The following SFT2D1 variants were observed in gnomAD, a reference collection of about 807,000 sequenced individuals.
SFT2D1 encodes the protein SFT2 domain containing 1.
A neutral mutation model predicts 28.1 loss-of-function variants in SFT2D1; 24 were observed. The ratio of observed to expected loss-of-function variants is 0.85; its 90% CI spans 0.62 to 1.20. SFT2D1 has a LOEUF of 1.20. SFT2D1 is among the 50% of genes most tolerant of loss of function. The pLI, the probability that SFT2D1 is intolerant of heterozygous loss-of-function variation, is 0.00. For missense variants in SFT2D1, 181 were observed against 190.9 expected (o/e 0.95, Z 0.31); for synonymous variants, 82 against 73.7 (o/e 1.11, Z -0.58).
chr6:166,330,726 T>C (rs1408396378), intron 1 of SFT2D1, among the ~76,000 whole-genome samples: 4 of 152,128 alleles, frequency 2.6e-5, no homozygotes, highest in Admixed American at 6.5e-5. Flanking sequence ...TCCGAGTGCA[T>C]CCGCACTCAG....
Position 166,337,300 on chromosome 6 carries a change from T to C in SFT2D1, c.63+5119A>G, listed in dbSNP as rs549959271. ...GTTGGGAAGCTCACCTTGACCATTC[T>C]AGCTTCAGCCCTCCCCTGGCTGAAA... is the stretch of plus-strand genomic sequence containing the variant. On this transcript the variant is annotated intron_variant, in intron 1 of 7. Coordinates refer to ENST00000361731, the MANE Select transcript of SFT2D1 (RefSeq NM_145169.3). Among the ~76,000 whole-genome samples, 9 of 152,330 alleles carry C rather than the reference T, an allele frequency of 5.9e-5. No individual in the cohort carries two copies. The South Asian group carries it at 8.3e-4, about 14-fold the overall frequency.
rs1173675035 is a variant in SFT2D1 at position 166,328,130 on chromosome 6, T to C, written c.315+146A>G. On this transcript the variant is annotated intron_variant, in intron 4 of 7. Transcript: ENST00000361731. ...ATTATTATATTCAACACAAGAAGTATACATACAACCCTGAAACTTAAAGTA... is the reference window on the plus strand; with the variant it reads ...ATTATTATATTCAACACAAGAAGTACACATACAACCCTGAAACTTAAAGTA... The C allele has an allele frequency of 1.4e-5, 5 of 369,286 alleles. 1 individual carries two copies. The highest frequency in any genetic ancestry group is 1.9e-5 in the Non-Finnish European group (4 of 215,050). 22.9% of individuals were successfully genotyped at this position (369,286 alleles called of 1,614,324 possible).
chr6:166,341,664 T>C (rs1778784482), intron 1 of SFT2D1, among the ~76,000 whole-genome samples: 3 of 152,018 alleles, frequency 2.0e-5, no homozygotes, highest in Admixed American at 2.0e-4. Context: ...ATTTTAAACG[T>C]CCAACTTCTG....
chr6:166,342,379 C>T (rs1047684771), intron 1 of SFT2D1, 40 bp downstream of exon 1: 3 of 1,527,668 alleles, frequency 2.0e-6, no homozygotes, highest in Non-Finnish European at 1.8e-6. Context: ...CCGGGGCCAG[C>T]GGGCAGCCCC....
chr6:166,329,942 C>T (rs1193416453), intron 2 of SFT2D1, among the ~76,000 whole-genome samples: 1 of 152,124 alleles, frequency 6.6e-6, no homozygotes, highest in Non-Finnish European at 1.5e-5. Context: ...CACATTGATA[C>T]ATTTTTCTTA....
intron 1 of SFT2D1, among the ~76,000 whole-genome samples, chr6:166,331,985 C>T (rs983322755): frequency 6.6e-6 from 1 of 152,176 alleles, no homozygotes; most frequent in Non-Finnish European, 1.5e-5. Context: ...AAGGAAACAG[C>T]ACGGCTATTT....
At chr6:166,324,658 A>T in intron 5 of SFT2D1, 63 bp from the exon 6 acceptor site, 1 of 1,467,224 alleles carries the variant, frequency 6.8e-7, no homozygotes, top group East Asian at 2.3e-5. Context: ...TTTCTCAATC[A>T]AACTTAATTC....
intron 1 of SFT2D1, among the ~76,000 whole-genome samples, chr6:166,338,835 T>C (rs1778714792): frequency 1.3e-5 from 2 of 152,132 alleles, no homozygotes; most frequent in Non-Finnish European, 2.9e-5. Flanking sequence ...CCTCCTTGAC[T>C]TCTTCCCAGG....
At chr6:166,328,407 G>A in intron 3 of SFT2D1, 50 bp from the exon 4 acceptor site, 1 of 1,080,568 alleles carries the variant, frequency 9.3e-7, no homozygotes, top group South Asian at 1.9e-5. Context: ...TAATTTATCT[G>A]GTTATGCAAA....
chr6:166,339,765 G>A (rs575657649), intron 1 of SFT2D1, among the ~76,000 whole-genome samples: 2 of 152,094 alleles, frequency 1.3e-5, no homozygotes, highest in East Asian at 3.9e-4. Flanking sequence ...CTCTCGCCAC[G>A]CCTCTCAGCT....
intron 1 of SFT2D1, chr6:166,334,638 G>A (rs781761229): frequency 5.5e-5 from 11 of 200,402 alleles, no homozygotes; most frequent in African/African-American, 1.6e-4. Context: ...GTGGAATCTC[G>A]GCACTGGAGG....
intron 5 of SFT2D1, among the ~76,000 whole-genome samples, chr6:166,325,460 T>C (rs977264071): frequency 2.0e-5 from 3 of 152,224 alleles, no homozygotes; most frequent in Admixed American, 6.5e-5. Context: ...TGTAACAATG[T>C]GACTTCTTTA....
chr6:166,321,630 G>A (rs1424531902), intron 7 of SFT2D1, among the ~76,000 whole-genome samples: 2 of 152,042 alleles, frequency 1.3e-5, no homozygotes, highest in South Asian at 2.1e-4. Context: ...TTCACTGTTC[G>A]TATTAAAGAC....
At chr6:166,322,000 C>T (rs962252722) in intron 7 of SFT2D1, among the ~76,000 whole-genome samples, 2 of 152,178 alleles carry the variant, frequency 1.3e-5, no homozygotes, top group Non-Finnish European at 2.9e-5. Flanking sequence ...TCTCCCACCT[C>T]AGCCTCCCAA....
At chr6:166,328,076 A>T (rs1001904341) in intron 4 of SFT2D1, among the ~76,000 whole-genome samples, 200 bp downstream of exon 4, 2 of 152,022 alleles carry the variant, frequency 1.3e-5, no homozygotes, top group Non-Finnish European at 2.9e-5. Flanking sequence ...GGGATTACAG[A>T]CGTGAGCCAC....
intron 1 of SFT2D1, among the ~76,000 whole-genome samples, chr6:166,338,280 T>C (rs1211268019): frequency 6.6e-6 from 1 of 152,190 alleles, no homozygotes; most frequent in East Asian, 1.9e-4. Context: ...CAGCTCTCCT[T>C]GGTAGTTACC....
chr6:166,326,249 T>TTTACA, intron 4 of SFT2D1, 82 bp from the exon 5 acceptor site: 2 of 1,168,594 alleles, frequency 1.7e-6, no homozygotes, highest in Non-Finnish European at 1.3e-6. Flanking sequence ...TCTGCATTCA[T>TTTACA]TTACATAGGG....
rs1327222564 is a variant in SFT2D1, at chr6:166,329,563, G to T, written c.177C>A (p.Gly59=). 3.1e-6 allele frequency: 5 copies of T among 1,607,400 alleles called. No individual in the cohort carries two copies. The highest frequency in any genetic ancestry group is 1.1e-5 in the South Asian group (1 of 89,926). ...AAAACACTGCAAAAAGCTTTATGCC[G>T]CCCGGAAGCCACAGCAATCCAGTTC... ...ILGTGLLWLP[G]GIKLFAVFYT... Residue 59 remains glycine, a synonymous_variant, in exon 3 of 8, where the codon GGC becomes GGA. Transcript: ENST00000361731.
chr6:166,323,162 G>C, intron 6 of SFT2D1: 1 of 333,534 alleles, frequency 3.0e-6, no homozygotes, highest in Non-Finnish European at 5.4e-6. Context: ...GCATGCTAAA[G>C]TTTGAGCTTC....
Sources: gnomAD v4.1 joint callset for allele counts (sites outside exome capture counted in the v4.1 genomes callset) on GRCh38, gnomAD v4.1.1 for gene constraint, MANE v1.5 for transcripts, NCBI Gene and HGNC (gene_info 2026-07-23, HGNC 2026-07-21) for gene names.